The following ARID1B variants were observed in gnomAD, a reference collection of about 807,000 sequenced individuals.
The protein encoded by ARID1B is AT-rich interactive domain-containing protein 1B.
ARID1B carries 30 observed loss-of-function variants against 212.3 expected under a neutral mutation model. That is an observed-to-expected ratio of 0.14 (90% CI 0.11 to 0.19). ARID1B has a LOEUF of 0.19. Among genes scored for constraint, ARID1B ranks in the 10% least tolerant of loss-of-function variants. The pLI, the probability that ARID1B is intolerant of heterozygous loss-of-function variation, is 1.00. For missense variants in ARID1B, 2,891 were observed against 3,204.0 expected (o/e 0.90, Z 2.36); for synonymous variants, 1,402 against 1,301.7 (o/e 1.08, Z -1.66).
chr6:156,800,052 C>A (rs2115328023), intron 1 of ARID1B, among the ~76,000 whole-genome samples: 1 of 152,210 alleles, frequency 6.6e-6, no homozygotes, highest in Admixed American at 6.5e-5. Context: ...CCACCAGTTA[C>A]AAAGCAGATT....
intron 4 of ARID1B, among the ~76,000 whole-genome samples, chr6:157,032,017 G>A (rs1057499681): frequency 5.3e-5 from 8 of 152,186 alleles, no homozygotes; most frequent in African/African-American, 1.2e-4. Context: ...GGCTGGTCTC[G>A]AACTCCTGAC....
chr6:157,132,995 G>C (rs1476409315), intron 6 of ARID1B, 33 bp from the exon 7 acceptor site: 2 of 1,574,834 alleles, frequency 1.3e-6, no homozygotes, highest in South Asian at 2.4e-5. Flanking sequence ...TGAAACACCT[G>C]CATTTATATG....
chr6:156,815,650 C>G (rs757307537), intron 1 of ARID1B, among the ~76,000 whole-genome samples: 3 of 151,996 alleles, frequency 2.0e-5, no homozygotes, highest in Non-Finnish European at 4.4e-5. Context: ...CATGAGAGGC[C>G]CAGTGATTAA....
chr6:157,120,450 CG>C (rs946134734), intron 6 of ARID1B, among the ~76,000 whole-genome samples: 1 of 152,076 alleles, frequency 6.6e-6, no homozygotes, highest in African/African-American at 2.4e-5. Flanking sequence ...TGGTGTGGCG[CG>C]GGGGGCCTGG....
At chr6:156,852,041 T>C (rs943126232) in intron 2 of ARID1B, among the ~76,000 whole-genome samples, 1 of 152,212 alleles carries the variant, frequency 6.6e-6, no homozygotes, top group African/African-American at 2.4e-5. Flanking sequence ...ATATTTCTAT[T>C]CTTTACCTCT....
rs559823094 is a variant in ARID1B, at chr6:156,922,415, C to T, written c.2137-13051C>T. Among the ~76,000 whole-genome samples, 7 of 152,170 alleles carry T rather than the reference C, an allele frequency of 4.6e-5. No individual in the cohort carries two copies. In the South Asian group the frequency reaches 8.3e-4, roughly 18 times the overall value. On this transcript the variant is annotated intron_variant, in intron 3 of 19. Coordinates refer to ENST00000636930, the MANE Select transcript of ARID1B (RefSeq NM_001374828.1). Reference sequence around the variant, plus strand: ...CTCGAACTCCTGACCTTAAGTGATCCGCCCGCCTCGGCCTCCCAAGGTGTT... The same window carrying T: ...CTCGAACTCCTGACCTTAAGTGATCTGCCCGCCTCGGCCTCCCAAGGTGTT...
At chr6:157,081,318 C>A (rs1784619370) in intron 4 of ARID1B, among the ~76,000 whole-genome samples, 1 of 152,148 alleles carries the variant, frequency 6.6e-6, no homozygotes, top group Non-Finnish European at 1.5e-5. Context: ...ACTAAATTGT[C>A]CTCTAGAGGA....
chr6:156,829,670 C>T, intron 2 of ARID1B: 2 of 415,878 alleles, frequency 4.8e-6, no homozygotes, highest in South Asian at 8.6e-5. Context: ...TTGATAGGTG[C>T]ACTGTGTCAT....
intron 4 of ARID1B, among the ~76,000 whole-genome samples, chr6:156,994,209 C>T (rs368836379): frequency 1.3e-5 from 2 of 152,176 alleles, no homozygotes; most frequent in African/African-American, 4.8e-5. Context: ...TAGAATGGGT[C>T]ACCTATTTAC....
intron 3 of ARID1B, among the ~76,000 whole-genome samples, chr6:156,931,190 CAAAAAAAAA>C (rs11309121): frequency 1.1e-5 from 1 of 90,186 alleles, no homozygotes. Context: ...GACTCAGTCT[CAAAAAAAAA>C]AAAAAAAAAA....
chr6:156,946,884 A>G (rs1402943223), intron 4 of ARID1B, among the ~76,000 whole-genome samples: 1 of 152,238 alleles, frequency 6.6e-6, no homozygotes, highest in Non-Finnish European at 1.5e-5. Context: ...TCTAAAAGGA[A>G]GCAACTCACT....
intron 4 of ARID1B, among the ~76,000 whole-genome samples, chr6:156,970,678 A>T (rs923047111): frequency 6.6e-6 from 1 of 152,230 alleles, no homozygotes; most frequent in African/African-American, 2.4e-5. Context: ...GTCATTGGAA[A>T]AGGAATGCTT....
At chr6:156,779,673 GGGCTTCGCCGGGCCGGGCCGGGCCGGGT>G in intron 1 of ARID1B, 2 of 294,694 alleles carry the variant, frequency 6.8e-6, no homozygotes, top group Non-Finnish European at 1.0e-5. Flanking sequence ...AGGCCTGGGA[GGGCTTCGCCGGGCCGGGCCGGGCCGGGT>G]GGCTTCTACC....
intron 4 of ARID1B, among the ~76,000 whole-genome samples, chr6:157,012,739 C>T (rs1417336288): frequency 6.6e-6 from 1 of 152,324 alleles, no homozygotes; most frequent in Middle Eastern, 3.4e-3. Context: ...AAGTTATACT[C>T]TGTTAATATC....
At chr6:156,903,324 G>A (rs951325011) in intron 3 of ARID1B, among the ~76,000 whole-genome samples, 1 of 151,896 alleles carries the variant, frequency 6.6e-6, no homozygotes, top group African/African-American at 2.4e-5. Context: ...AAATTATATG[G>A]TAAATACTCT....
intron 8 of ARID1B, among the ~76,000 whole-genome samples, chr6:157,161,013 C>G (rs1044378466): frequency 6.6e-6 from 1 of 152,212 alleles, no homozygotes; most frequent in Non-Finnish European, 1.5e-5. Flanking sequence ...TTAGTCTTGG[C>G]CCGCTGTTGT....
chr6:157,127,548 GA>G (rs1788214072), intron 6 of ARID1B, among the ~76,000 whole-genome samples: 1 of 151,624 alleles, frequency 6.6e-6, no homozygotes, highest in East Asian at 1.9e-4. Context: ...GAGGTGGGCG[GA>G]TCACAAGGTC....
chr6:156,919,034 A>C (rs1341089504), intron 3 of ARID1B, among the ~76,000 whole-genome samples: 2 of 152,242 alleles, frequency 1.3e-5, no homozygotes, highest in Non-Finnish European at 2.9e-5. Flanking sequence ...AAAAAGTAGA[A>C]AAAAAGACCC....
chr6:156,970,535 A>G (rs536582223), intron 4 of ARID1B, among the ~76,000 whole-genome samples: 91 of 152,354 alleles, frequency 6.0e-4, no homozygotes, highest in African/African-American at 1.6e-3. Context: ...TGATGTTGCA[A>G]ATTTTGGAAC....
Sources: gnomAD v4.1 joint callset for allele counts (sites outside exome capture counted in the v4.1 genomes callset) on GRCh38, gnomAD v4.1.1 for gene constraint, MANE v1.5 for transcripts, NCBI Gene and HGNC (gene_info 2026-07-23, HGNC 2026-07-21) for gene names.